MTRFR: variants seen among roughly 807,000 people sequenced by gnomAD.
MTRFR encodes the protein probable peptide chain release factor C12orf65, mitochondrial.
In MTRFR, 10 loss-of-function variants were observed where a neutral mutation model predicts 11.9. The ratio of observed to expected loss-of-function variants is 0.84; its 90% CI spans 0.52 to 1.42. The LOEUF is 1.42. MTRFR is among the 40% of genes most tolerant of loss of function. MTRFR has a pLI of 0.00. For missense variants in MTRFR, 196 were observed against 197.9 expected (o/e 0.99, Z 0.06); for synonymous variants, 77 against 79.1 (o/e 0.97, Z 0.14).
intron 2 of MTRFR, chr12:123,254,258 A>C: frequency 2.6e-6 from 1 of 387,094 alleles, no homozygotes; most frequent in Non-Finnish European, 4.8e-6. Context: ...CTGCCCCGGA[A>C]GCAACGTCTT....
intron 2 of MTRFR, among the ~76,000 whole-genome samples, chr12:123,256,036 G>A (rs887407213): frequency 4.6e-5 from 7 of 152,122 alleles, no homozygotes; most frequent in Non-Finnish European, 7.3e-5. Context: ...AAAGCATTGG[G>A]ATTATAGGTG....
chr12:123,237,376 G>C (rs915351496), intron 1 of MTRFR, among the ~76,000 whole-genome samples: 1 of 152,214 alleles, frequency 6.6e-6, no homozygotes, highest in Non-Finnish European at 1.5e-5. Flanking sequence ...GTTGCAGTGA[G>C]CCAAGATCAC....
chr12:123,240,727 C>CTTTTTTT (rs62837760), intron 1 of MTRFR: 1 of 102,104 alleles, frequency 9.8e-6, no homozygotes, highest in African/African-American at 3.7e-5. Flanking sequence ...TTTTATTGAC[C>CTTTTTTT]TTTTTTTTTT....
At chr12:123,245,828 T>TAAAC (rs911128419) in intron 1 of MTRFR, among the ~76,000 whole-genome samples, 8 of 152,172 alleles carry the variant, frequency 5.3e-5, no homozygotes, top group Non-Finnish European at 1.0e-4. Flanking sequence ...GTTTTCAAGG[T>TAAAC]AAACGATCAC....
chr12:123,236,886 C>A (rs1325023127), intron 1 of MTRFR, among the ~76,000 whole-genome samples: 1 of 151,780 alleles, frequency 6.6e-6, no homozygotes, highest in African/African-American at 2.4e-5. Context: ...GAGTTCAACA[C>A]CAGCCTGAGA....
At chr12:123,246,342 G>A (rs578249433) in intron 1 of MTRFR, among the ~76,000 whole-genome samples, 80 of 152,244 alleles carry the variant, frequency 5.3e-4, no homozygotes, top group African/African-American at 1.8e-3. Context: ...CCCAGCCTCA[G>A]TTTGAAGAAT....
Position 123,253,931 on chromosome 12 carries a change from A to ACATCCCCTCAGGC in MTRFR, c.258_270dup (p.Ile91HisfsTer16). The ACATCCCCTCAGGC allele has an allele frequency of 3.1e-6, 5 of 1,614,218 alleles. No individual in the cohort carries two copies. Among genetic ancestry groups the ACATCCCCTCAGGC allele is most frequent in the Non-Finnish European group, 2.5e-6 (3 of 1,180,050 alleles). ...ACCAGCAACTGCGTGGTGCTGAAGCACATCCCCTCAGGCATCGTTGTAAAG... is the reference window on the plus strand; with the variant it reads ...ACCAGCAACTGCGTGGTGCTGAAGCACATCCCCTCAGGCCATCCCCTCAGGCATCGTTGTAAAG... On this transcript the variant is annotated frameshift_variant, in exon 2 of 3. Transcript: ENST00000253233. LOFTEE classifies it high-confidence loss of function.
chr12:123,256,755 G>A, intron 2 of MTRFR, 58 bp from the exon 3 acceptor site: 1 of 1,315,930 alleles, frequency 7.6e-7, no homozygotes, highest in Non-Finnish European at 1.1e-6. Flanking sequence ...GACTTCTGAG[G>A]TCCTGTCCAT....
chr12:123,253,459 G>GCAGA, intron 1 of MTRFR, 188 bp from the exon 2 acceptor site: 1 of 590,292 alleles, frequency 1.7e-6, no homozygotes, highest in Non-Finnish European at 3.0e-6. Context: ...TGGTAACATG[G>GCAGA]CAGACAGTGC....
At chr12:123,241,502 C>G (rs1241793906) in intron 1 of MTRFR, among the ~76,000 whole-genome samples, 1 of 151,950 alleles carries the variant, frequency 6.6e-6, no homozygotes, top group Non-Finnish European at 1.5e-5. Flanking sequence ...CCACCCCCAG[C>G]TAATTTTTTG....
rs1359359515 is a variant in MTRFR at position 123,235,729 on chromosome 12, C to T, written c.-29+2198C>T. On this transcript the variant is annotated intron_variant, in intron 1 of 2. Coordinates refer to ENST00000253233, the MANE Select transcript of MTRFR (RefSeq NM_152269.5). ...GTCACAGATCAAACTTCTTGTTCTA[C>T]TCTTTCCCCCTTCTCTACTGTACTT... is the stretch of plus-strand genomic sequence containing the variant. 2.0e-5 allele frequency among the ~76,000 whole-genome samples: 3 copies of T among 151,970 alleles called. No homozygotes were observed. In the East Asian group the frequency reaches 5.8e-4, roughly 29 times the overall value.
In MTRFR at chr12:123,254,017, G is replaced by C. The variant is rs560836130; in HGVS notation, c.282+61G>C. On this transcript the variant is annotated intron_variant, in intron 2 of 2. Transcript: ENST00000253233. ...GCCCAAGGGTTCCACAGCCTCCAGA[G>C]ATTTCTCCCAAGTGTGAATGGGATC... 194 of 1,594,810 alleles carry C rather than the reference G, an allele frequency of 1.2e-4. No individual in the cohort carries two copies. The South Asian group carries it at 2.1e-3, about 17-fold the overall frequency.
At chr12:123,246,323 G>A (rs2048039812) in intron 1 of MTRFR, among the ~76,000 whole-genome samples, 1 of 152,184 alleles carries the variant, frequency 6.6e-6, no homozygotes, top group Admixed American at 6.5e-5. Context: ...AAAGTGCTGA[G>A]CCACTGCACC....
intron 2 of MTRFR, among the ~76,000 whole-genome samples, chr12:123,255,878 T>C (rs10734899): frequency 0.95 from 144,820 of 152,192 alleles, 69,309 homozygotes; most frequent in East Asian, 1. Flanking sequence ...CCACCCATCT[T>C]GGCCTCCAAA....
At chr12:123,233,758 G>T (rs1351548805) in intron 1 of MTRFR, 2 of 152,388 alleles carry the variant, frequency 1.3e-5, no homozygotes, top group Non-Finnish European at 2.9e-5. Flanking sequence ...GGTCGGCCCT[G>T]GGGCTGTTCA....
intron 1 of MTRFR, chr12:123,252,282 T>G (rs2138788384): frequency 6.6e-6 from 1 of 151,838 alleles, no homozygotes; most frequent in Admixed American, 6.6e-5. Context: ...AAAAAGTAAT[T>G]ACTCAGATGT....
intron 1 of MTRFR, among the ~76,000 whole-genome samples, chr12:123,253,011 A>C (rs528745140): frequency 6.1e-5 from 9 of 147,800 alleles, no homozygotes; most frequent in African/African-American, 2.2e-4. Context: ...CTTGACCCAG[A>C]TCCTAATTTT....
intron 1 of MTRFR, among the ~76,000 whole-genome samples, chr12:123,241,398 C>T (rs12811650): frequency 1.6e-4 from 24 of 152,126 alleles, no homozygotes; most frequent in Middle Eastern, 3.2e-3. Flanking sequence ...AGCGCAATGG[C>T]GTGATCTCGG....
Position 123,256,978 on chromosome 12 carries a change from G to GA in MTRFR, c.455dup (p.Lys153GlufsTer4), listed in dbSNP as rs1300790124. On this transcript the variant is annotated frameshift_variant, in exon 3 of 3. Coordinates refer to ENST00000253233, the MANE Select transcript of MTRFR (RefSeq NM_152269.5). LOFTEE classifies it high-confidence loss of function. Reference sequence around the variant, plus strand: ...GAAAAAAAGAGCAAAGGAAACCCTGGAAAAAAAGAAGCTACTTAAAGAACT... The same window carrying GA: ...GAAAAAAAGAGCAAAGGAAACCCTGGAAAAAAAAGAAGCTACTTAAAGAACT... The GA allele has an allele frequency of 6.2e-7, 1 of 1,611,758 alleles. No individual in the cohort carries two copies. The highest frequency in any genetic ancestry group is 8.5e-7 in the Non-Finnish European group (1 of 1,179,594).
Sources: gnomAD v4.1 joint callset for allele counts (sites outside exome capture counted in the v4.1 genomes callset) on GRCh38, gnomAD v4.1.1 for gene constraint, MANE v1.5 for transcripts, NCBI Gene and HGNC (gene_info 2026-07-23, HGNC 2026-07-21) for gene names.